The following PRELID2 variants were observed in gnomAD, a reference collection of about 807,000 sequenced individuals.
PRELID2 encodes PRELI domain containing 2.
In PRELID2, 25 loss-of-function variants were observed where a neutral mutation model predicts 28.4. The ratio of observed to expected loss-of-function variants is 0.88; its 90% confidence interval spans 0.64 to 1.23. The LOEUF (loss-of-function observed/expected upper bound fraction) is 1.23, where lower values mean the gene tolerates loss of function less well. Ranked by LOEUF, PRELID2 falls within the 50% of genes most tolerant of loss-of-function variation. The pLI, the probability that PRELID2 is intolerant of heterozygous loss-of-function variation, is 0.00. For missense variants in PRELID2, 201 were observed against 214.4 expected (o/e 0.94, Z 0.39); for synonymous variants, 76 against 71.6 (o/e 1.06, Z -0.31).
intron 1 of PRELID2, among the ~76,000 whole-genome samples, chr5:145,590,165 T>C (rs1249978134): frequency 6.6e-6 from 1 of 152,160 alleles, no homozygotes; most frequent in Non-Finnish European, 1.5e-5. Context: ...AAGCTATTTC[T>C]AGCCCCAGTG....
At chr5:145,356,783 G>A in the PRELID2 span, among the ~76,000 whole-genome samples, 1 of 152,030 alleles carries the variant, frequency 6.6e-6, no homozygotes, top group Non-Finnish European at 1.5e-5. Context: ...TGTCAGGTTT[G>A]ACCCTGTCAT....
the PRELID2 span, among the ~76,000 whole-genome samples, chr5:145,414,814 A>G: frequency 2.0e-5 from 3 of 152,224 alleles, no homozygotes; most frequent in Non-Finnish European, 2.9e-5. Context: ...TTGAAATAAT[A>G]TGCAGCACAA....
chr5:145,745,846 G>A (rs1388386958), intron 1 of PRELID2, among the ~76,000 whole-genome samples: 1 of 138,912 alleles, frequency 7.2e-6, no homozygotes, highest in African/African-American at 2.7e-5. Flanking sequence ...TGGGTGATAA[G>A]AGTGAAACTT....
chr5:145,419,848 G>A, the PRELID2 span, among the ~76,000 whole-genome samples: 1 of 151,868 alleles, frequency 6.6e-6, no homozygotes. Context: ...TTCTTCTAGG[G>A]TTTTTATGGT....
chr5:145,643,771 CAT>C (rs1190478638), intron 1 of PRELID2, among the ~76,000 whole-genome samples: 1 of 152,098 alleles, frequency 6.6e-6, no homozygotes, highest in Non-Finnish European at 1.5e-5. Context: ...TTGAGATAAT[CAT>C]GTGGTTTTTG....
At chr5:145,455,366 A>G in the PRELID2 span, among the ~76,000 whole-genome samples, 1 of 151,960 alleles carries the variant, frequency 6.6e-6, no homozygotes, top group South Asian at 2.1e-4. Flanking sequence ...GCCTTGTAGT[A>G]TAGTATAGCA....
In PRELID2 at chr5:145,741,958, T is replaced by TTA. The variant is rs1561568844; in HGVS notation, n.70+22971_70+22972dup. ...TTATAAATAAATAAATTTATTATAA[T>TTA]TAAATAAATAAATTTATTTAATTAT... On this transcript the variant is annotated intron_variant and non_coding_transcript_variant, in intron 1 of 2. Coordinates refer to the PRELID2 transcript ENST00000510259. Among the ~76,000 whole-genome samples the TTA allele has an allele frequency of 2.2e-3, 25 of 11,372 alleles. 1 individual carries two copies. In the East Asian group the frequency reaches 0.081, roughly 37 times the overall value. 7.5% of individuals were successfully genotyped at this position (11,372 alleles called of 152,430 possible). A position where few individuals can be genotyped will look rare whatever the true frequency, so the allele number is the denominator to read the frequency against.
chr5:145,463,239 C>T, the PRELID2 span, among the ~76,000 whole-genome samples: 1 of 151,694 alleles, frequency 6.6e-6, no homozygotes, highest in African/African-American at 2.4e-5. Context: ...TTTGGTCTAA[C>T]CTTTCTTCAC....
chr5:145,401,936 T>A, the PRELID2 span, among the ~76,000 whole-genome samples: 1 of 152,172 alleles, frequency 6.6e-6, no homozygotes, highest in African/African-American at 2.4e-5. Context: ...ATGATCTTAT[T>A]CAGAAAAGTC....
rs118022867 is a variant in PRELID2, at chr5:145,636,354, T to C, written n.70+128577A>G. 2.0e-4 allele frequency among the ~76,000 whole-genome samples: 31 copies of C among 152,350 alleles called. No individual in the cohort carries two copies. In the East Asian group the frequency reaches 5.6e-3, roughly 27 times the overall value. On this transcript the variant is annotated intron_variant and non_coding_transcript_variant, in intron 1 of 2. Transcript: ENST00000510259. ...TCTATCCATCTCGGTCTGTATAATA[T>C]ACTGACAAGCATTATCCAAGCTTGT...
At chr5:145,774,110 T>A (rs551703524) in intron 5 of PRELID2, among the ~76,000 whole-genome samples, 23 of 152,230 alleles carry the variant, frequency 1.5e-4, no homozygotes, top group Non-Finnish European at 2.9e-4. Flanking sequence ...CAATATTGAA[T>A]CTAATGATAA....
At chr5:145,369,465 G>A in the PRELID2 span, among the ~76,000 whole-genome samples, 1 of 151,966 alleles carries the variant, frequency 6.6e-6, no homozygotes, top group Non-Finnish European at 1.5e-5. Flanking sequence ...TCCTTTTTAT[G>A]GCCGTGAAGT....
At chr5:145,422,641 G>T in the PRELID2 span, among the ~76,000 whole-genome samples, 1 of 152,016 alleles carries the variant, frequency 6.6e-6, no homozygotes, top group Admixed American at 6.6e-5. Context: ...CTGCATGTGA[G>T]ATGGGTTTCC....
the PRELID2 span, among the ~76,000 whole-genome samples, chr5:145,371,192 G>A: frequency 3.3e-4 from 50 of 152,066 alleles, 1 homozygote; most frequent in East Asian, 4.8e-3. Flanking sequence ...GTCTTGGGCC[G>A]GTTTTCAAAG....
intron 1 of PRELID2, among the ~76,000 whole-genome samples, chr5:145,744,762 C>CA (rs1756942919): frequency 1.3e-5 from 2 of 151,940 alleles, no homozygotes; most frequent in African/African-American, 4.8e-5. Context: ...AAAGCATCAA[C>CA]AAAAAAACAC....
intron 1 of PRELID2, among the ~76,000 whole-genome samples, chr5:145,724,433 T>C (rs887473017): frequency 6.6e-6 from 1 of 150,906 alleles, no homozygotes; most frequent in Non-Finnish European, 1.5e-5. Flanking sequence ...AAGGGAGAAA[T>C]ATCAATCTAT....
intron 1 of PRELID2, among the ~76,000 whole-genome samples, chr5:145,731,420 T>C (rs1756342706): frequency 6.6e-6 from 1 of 152,174 alleles, no homozygotes; most frequent in Non-Finnish European, 1.5e-5. Context: ...CCCATCAAAG[T>C]GGTCTGAACA....
chr5:145,238,023 G>A, the PRELID2 span, among the ~76,000 whole-genome samples: 2 of 152,018 alleles, frequency 1.3e-5, no homozygotes, highest in African/African-American at 2.4e-5. Context: ...TGGTAATCAG[G>A]CACCTGGCAT....
At chr5:145,333,270 G>A in the PRELID2 span, among the ~76,000 whole-genome samples, 1 of 152,230 alleles carries the variant, frequency 6.6e-6, no homozygotes. Flanking sequence ...TGAGGAGGCA[G>A]TCTGTCCCTT....
Sources: allele counts gnomAD v4.1 joint callset (sites outside exome capture counted in the v4.1 genomes callset), GRCh38; gene constraint gnomAD v4.1.1; transcripts MANE v1.5; gene names NCBI Gene and HGNC (gene_info 2026-07-23, HGNC 2026-07-21).